KCTD8: variants seen among roughly 807,000 people sequenced by gnomAD.
KCTD8 encodes BTB/POZ domain-containing protein KCTD8.
KCTD8 carries 27 observed loss-of-function variants against 31.5 expected under a neutral mutation model. That is an observed-to-expected ratio of 0.86 (90% CI 0.63 to 1.18). The LOEUF (loss-of-function observed/expected upper bound fraction) is 1.18, where lower values mean the gene tolerates loss of function less well. Ranked by LOEUF, KCTD8 falls within the 50% of genes most tolerant of loss-of-function variation. KCTD8 has a pLI of 0.00. For missense variants in KCTD8, 658 were observed against 647.7 expected, an observed-to-expected ratio of 1.02 and a Z score of -0.17; for synonymous variants, 290 against 280.0, an observed-to-expected ratio of 1.04 and a Z score of -0.36.
At chr4:44,444,824 A>T (rs1721901253) in intron 1 of KCTD8, among the ~76,000 whole-genome samples, 2 of 152,142 alleles carry the variant, frequency 1.3e-5, no homozygotes, top group African/African-American at 2.4e-5. Flanking sequence ...ATTGATGCTC[A>T]AGTGTGTAAA....
chr4:44,317,446 A>G, intron 1 of KCTD8, among the ~76,000 whole-genome samples: 1 of 139,860 alleles, frequency 7.2e-6, no homozygotes, highest in Non-Finnish European at 1.5e-5. Flanking sequence ...TCACCTTGTT[A>G]GCCAGGATGG....
intron 1 of KCTD8, among the ~76,000 whole-genome samples, chr4:44,304,970 A>G (rs1440709134): frequency 1.3e-5 from 2 of 152,144 alleles, no homozygotes; most frequent in Middle Eastern, 3.4e-3. Context: ...GAAAAAAAAA[A>G]AGTCCAGAAC....
intron 1 of KCTD8, among the ~76,000 whole-genome samples, chr4:44,395,751 G>A (rs751513403): frequency 2.0e-5 from 3 of 151,770 alleles, no homozygotes; most frequent in African/African-American, 7.3e-5. Context: ...TTCTTCTCAC[G>A]GCTGTGTCAA....
At chr4:44,442,614 A>C (rs1427519209) in intron 1 of KCTD8, among the ~76,000 whole-genome samples, 1 of 152,182 alleles carries the variant, frequency 6.6e-6, no homozygotes, top group Non-Finnish European at 1.5e-5. Flanking sequence ...AAAACTTATT[A>C]ACTATAAAAA....
At chr4:44,256,330 C>T (rs985125029) in intron 1 of KCTD8, among the ~76,000 whole-genome samples, 13 of 151,956 alleles carry the variant, frequency 8.6e-5, no homozygotes, top group East Asian at 1.9e-4. Flanking sequence ...GAGTAGCAGA[C>T]GCTCTCAATT....
At position 44,369,419 on chromosome 4, in the gene KCTD8, C is replaced by T. The variant is rs933763586; in HGVS notation, c.961+78144G>A. Among the ~76,000 whole-genome samples, 3 of 152,344 alleles carry T rather than the reference C, an allele frequency of 2.0e-5. No individual in the cohort carries two copies. The East Asian group carries it at 5.8e-4, about 29-fold the overall frequency. ...TTCCAACCTGTCAGCAGGATTCACACATTTTATATGAAGGAATTTGCAAAT... is the reference window on the plus strand; with the variant it reads ...TTCCAACCTGTCAGCAGGATTCACATATTTTATATGAAGGAATTTGCAAAT... On this transcript the variant is annotated intron_variant, in intron 1 of 1. Transcript: ENST00000360029.
intron 1 of KCTD8, among the ~76,000 whole-genome samples, chr4:44,367,721 C>A (rs1232781619): frequency 6.6e-6 from 1 of 152,064 alleles, no homozygotes; most frequent in Non-Finnish European, 1.5e-5. Flanking sequence ...GTTTGATGAT[C>A]TAGGCAGGTG....
At position 44,199,508 on chromosome 4, in the gene KCTD8, A is replaced by C. The variant is rs192280204; in HGVS notation, c.962-24258T>G. Among the ~76,000 whole-genome samples, 35 of 152,212 alleles carry C rather than the reference A, an allele frequency of 2.3e-4. No individual in the cohort carries two copies. In the East Asian group the frequency reaches 6.6e-3, roughly 29 times the overall value. On this transcript the variant is annotated intron_variant, in intron 1 of 1. Coordinates refer to ENST00000360029, the MANE Select transcript of KCTD8 (RefSeq NM_198353.3). ...ACATCAATACCAATAAGACCTCTCA[A>C]AACTACACTAATATGTGGAAATTAA...
intron 1 of KCTD8, among the ~76,000 whole-genome samples, chr4:44,259,050 A>G (rs921768376): frequency 2.6e-5 from 4 of 151,934 alleles, no homozygotes; most frequent in African/African-American, 9.7e-5. Flanking sequence ...TAATTTCCAC[A>G]ATTAATTAAC....
chr4:44,277,062 T>A (rs547810201), intron 1 of KCTD8, among the ~76,000 whole-genome samples: 56 of 151,938 alleles, frequency 3.7e-4, no homozygotes, highest in Non-Finnish European at 7.1e-4. Flanking sequence ...GAAAATTAAA[T>A]GAATTAGTAC....
chr4:44,249,544 A>G (rs1261957335), intron 1 of KCTD8, among the ~76,000 whole-genome samples: 1 of 151,844 alleles, frequency 6.6e-6, no homozygotes, highest in Non-Finnish European at 1.5e-5. Flanking sequence ...ATGTAAAAGC[A>G]GTCATAGATG....
At chr4:44,366,337 G>T (rs1021080090) in intron 1 of KCTD8, among the ~76,000 whole-genome samples, 1 of 152,138 alleles carries the variant, frequency 6.6e-6, no homozygotes, top group Non-Finnish European at 1.5e-5. Context: ...CTTGGTCATG[G>T]GGGGTGGATT....
At chr4:44,244,184 C>G (rs939405204) in intron 1 of KCTD8, among the ~76,000 whole-genome samples, 2 of 152,222 alleles carry the variant, frequency 1.3e-5, no homozygotes, top group African/African-American at 4.8e-5. Context: ...TGCACACATT[C>G]TGTTATTCAT....
chr4:44,265,043 T>G (rs1716300960), intron 1 of KCTD8, among the ~76,000 whole-genome samples: 1 of 152,124 alleles, frequency 6.6e-6, no homozygotes, highest in Non-Finnish European at 1.5e-5. Flanking sequence ...GAGCAGTGGT[T>G]CTCCCAGCAC....
chr4:44,434,608 G>GAC (rs1208102709), intron 1 of KCTD8, among the ~76,000 whole-genome samples: 1 of 151,890 alleles, frequency 6.6e-6, no homozygotes, highest in African/African-American at 2.4e-5. Flanking sequence ...CTTGCTGCCA[G>GAC]ACATAGTGTG....
chr4:44,397,727 G>A (rs1219368604), intron 1 of KCTD8, among the ~76,000 whole-genome samples: 1 of 152,044 alleles, frequency 6.6e-6, no homozygotes, highest in African/African-American at 2.4e-5. Flanking sequence ...AAAAAATGAA[G>A]TAATTCTCTA....
chr4:44,366,435 T>C (rs952287329), intron 1 of KCTD8, among the ~76,000 whole-genome samples: 1 of 152,202 alleles, frequency 6.6e-6, no homozygotes, highest in African/African-American at 2.4e-5. Context: ...TCGCTCTCTC[T>C]ATTTTCTGCT....
chr4:44,432,022 TC>T (rs1359216413), intron 1 of KCTD8, among the ~76,000 whole-genome samples: 15 of 151,644 alleles, frequency 9.9e-5, no homozygotes, highest in Middle Eastern at 3.4e-3. Context: ...CAAATTCCTT[TC>T]CCCCTATATC....
At chr4:44,242,673 C>T (rs1371709556) in intron 1 of KCTD8, among the ~76,000 whole-genome samples, 2 of 151,934 alleles carry the variant, frequency 1.3e-5, no homozygotes. Flanking sequence ...ATTTAATTCC[C>T]CAGTATTGGA....
Sources: gnomAD v4.1 joint callset for allele counts (sites outside exome capture counted in the v4.1 genomes callset) on GRCh38, gnomAD v4.1.1 for gene constraint, MANE v1.5 for transcripts, NCBI Gene and HGNC (gene_info 2026-07-23, HGNC 2026-07-21) for gene names.